Variants in MET observed in about 807,000 individuals in gnomAD.
MET encodes the protein hepatocyte growth factor receptor.
A neutral mutation model predicts 133.1 loss-of-function variants in MET; 48 were observed. The ratio of observed to expected loss-of-function variants is 0.36; its 90% confidence interval spans 0.29 to 0.46. MET has a LOEUF of 0.46. Ranked by LOEUF, MET falls within the 20% of genes least tolerant of loss-of-function variation. The pLI is 1.00. For missense variants in MET, 1,442 were observed against 1,695.9 expected (o/e 0.85, Z 2.63); for synonymous variants, 628 against 616.5 (o/e 1.02, Z -0.28).
chr7:116,691,047 C>A (rs2299434), intron 1 of MET, among the ~76,000 whole-genome samples: 36,763 of 152,080 alleles, frequency 0.24, 4,541 homozygotes, highest in East Asian at 0.34. Context: ...TTCACTCTGG[C>A]AAGTCTTCCT....
intron 1 of MET, among the ~76,000 whole-genome samples, chr7:116,687,876 T>A (rs1240402954): frequency 6.6e-6 from 1 of 152,232 alleles, no homozygotes; most frequent in Admixed American, 6.5e-5. Context: ...TGTCTCTCTG[T>A]CCCTGGGTGC....
At chr7:116,783,135 C>G (rs1048874220) in intron 18 of MET, among the ~76,000 whole-genome samples, 169 bp from the exon 19 acceptor site, 7 of 152,192 alleles carry the variant, frequency 4.6e-5, no homozygotes, top group African/African-American at 1.7e-4. Context: ...CATTTTTATT[C>G]AAGAATTCTG....
chr7:116,724,457 C>T (rs936007944), intron 2 of MET, among the ~76,000 whole-genome samples: 4 of 152,226 alleles, frequency 2.6e-5, no homozygotes, highest in Non-Finnish European at 4.4e-5. Flanking sequence ...GAGCTGTAGA[C>T]CGGAGCTGTT....
At chr7:116,756,294 ATAAT>A (rs201395418) in intron 6 of MET, among the ~76,000 whole-genome samples, 3,091 of 152,318 alleles carry the variant, frequency 0.02, 109 homozygotes, top group African/African-American at 0.071. Flanking sequence ...TCATTATCAC[ATAAT>A]AACAACACTC....
intron 5 of MET, among the ~76,000 whole-genome samples, chr7:116,754,631 G>A (rs146270757): frequency 3.3e-5 from 5 of 151,532 alleles, no homozygotes; most frequent in African/African-American, 1.2e-4. Flanking sequence ...GACCAGCTGG[G>A]CAACGTAGTG....
intron 19 of MET, among the ~76,000 whole-genome samples, chr7:116,783,719 G>T (rs1284751940): frequency 1.3e-5 from 2 of 152,230 alleles, no homozygotes; most frequent in African/African-American, 4.8e-5. Flanking sequence ...AACCAGGCAT[G>T]AACCCTGTCG....
chr7:116,728,272 C>T (rs565953301), intron 2 of MET, among the ~76,000 whole-genome samples: 2 of 152,280 alleles, frequency 1.3e-5, no homozygotes, highest in South Asian at 4.1e-4. Flanking sequence ...CAACATTGTG[C>T]AATGTCTCTA....
In MET at chr7:116,674,862, C is replaced by T. The variant is rs527985565; in HGVS notation, c.-15+2285C>T. ...TAGTGATTCTCGCCAGAGCCATCTA[C>T]GCTTTCTTTTCCGTGGTCTAAATCC... On this transcript the variant is annotated intron_variant, in intron 1 of 20. Transcript: ENST00000397752. Among the ~76,000 whole-genome samples, 19 of 152,302 alleles carry T rather than the reference C, an allele frequency of 1.2e-4. No homozygotes were observed. The South Asian group carries it at 3.5e-3, about 28-fold the overall frequency.
chr7:116,762,046 C>T (rs565052258), intron 10 of MET, among the ~76,000 whole-genome samples: 4 of 152,160 alleles, frequency 2.6e-5, no homozygotes, highest in Non-Finnish European at 5.9e-5. Context: ...AGATGTACCA[C>T]TATGTGTTGC....
At chr7:116,691,809 G>T (rs1156270600) in intron 1 of MET, among the ~76,000 whole-genome samples, 1 of 152,140 alleles carries the variant, frequency 6.6e-6, no homozygotes, top group Non-Finnish European at 1.5e-5. Context: ...ATTCTGTTTG[G>T]CCTTGCTTTG....
intron 1 of MET, among the ~76,000 whole-genome samples, chr7:116,681,574 T>C (rs1796360067): frequency 1.3e-5 from 2 of 152,242 alleles, no homozygotes; most frequent in Non-Finnish European, 2.9e-5. Context: ...TATTTTTCTA[T>C]TCTAAATACG....
At chr7:116,763,641 T>C (rs963787409) in intron 11 of MET, among the ~76,000 whole-genome samples, 6 of 152,200 alleles carry the variant, frequency 3.9e-5, no homozygotes, top group Non-Finnish European at 7.4e-5. Context: ...AATGCATCAA[T>C]TGTATCTCCG....
intron 1 of MET, among the ~76,000 whole-genome samples, chr7:116,698,083 A>T (rs974206006): frequency 2.0e-5 from 3 of 152,040 alleles, no homozygotes; most frequent in Non-Finnish European, 4.4e-5. Context: ...TATGCTATTT[A>T]AAAAAAAGTC....
intron 11 of MET, among the ~76,000 whole-genome samples, chr7:116,768,707 C>T (rs955262359): frequency 6.6e-6 from 1 of 152,172 alleles, no homozygotes; most frequent in African/African-American, 2.4e-5. Context: ...CTATTATGGG[C>T]TGCTCTTTGT....
intron 10 of MET, among the ~76,000 whole-genome samples, chr7:116,760,574 T>C (rs1794361107): frequency 6.6e-6 from 1 of 152,164 alleles, no homozygotes; most frequent in Non-Finnish European, 1.5e-5. Flanking sequence ...AAGGTCTTGA[T>C]TGGTCAGGTG....
intron 5 of MET, among the ~76,000 whole-genome samples, chr7:116,749,557 G>T (rs918078044): frequency 4.6e-5 from 7 of 152,128 alleles, no homozygotes; most frequent in African/African-American, 1.7e-4. Flanking sequence ...ACAAGACAAG[G>T]ATGCCCTCTC....
chr7:116,758,914 T>C (rs1287705881), intron 9 of MET, among the ~76,000 whole-genome samples: 4 of 152,210 alleles, frequency 2.6e-5, no homozygotes, highest in Non-Finnish European at 1.5e-5. Context: ...ATTATGTACA[T>C]ATCAATTCTA....
Position 116,757,769 on chromosome 7 carries a change from A to G in MET, c.2097A>G (p.Leu699=), listed in dbSNP as rs199585804. Residue 699 remains leucine, a synonymous_variant, in exon 8 of 21, where the codon TTA becomes TTG. Transcript: ENST00000397752. ...HISIGGKTCT[L]KSVSNSILEC... ...CAATTGGTGGAAAAACATGTACTTT[A>G]AAAAGGTGTTGTAAATTTATTTTTT... is the stretch of plus-strand genomic sequence containing the variant. 30 of 1,613,612 alleles carry G rather than the reference A, an allele frequency of 1.9e-5. No individual in the cohort carries two copies. Among genetic ancestry groups the G allele is most frequent in the Non-Finnish European group, 2.0e-5 (24 of 1,179,608 alleles).
At position 116,674,136 on chromosome 7, in the gene MET, G is replaced by A. The variant is rs552291696; in HGVS notation, c.-15+1559G>A. Among the ~76,000 whole-genome samples the A allele has an allele frequency of 4.6e-5, 7 of 152,232 alleles. No homozygotes were observed. The East Asian group carries it at 7.7e-4, about 17-fold the overall frequency. ...TGTGGCATATAGAAGACAGTCTGCC[G>A]ACTACTGCTTTTTCAAAATTGCTTT... On this transcript the variant is annotated intron_variant, in intron 1 of 20. Transcript: ENST00000397752.
Sources: gnomAD v4.1 joint callset for allele counts (sites outside exome capture counted in the v4.1 genomes callset) on GRCh38, gnomAD v4.1.1 for gene constraint, MANE v1.5 for transcripts, NCBI Gene and HGNC (gene_info 2026-07-23, HGNC 2026-07-21) for gene names.